The following PTCH1 variants were observed in gnomAD, a reference collection of about 807,000 sequenced individuals.
PTCH1 encodes patched 1.
Under a neutral mutation model 144.6 loss-of-function variants are expected in PTCH1, and 14 were observed. That is an observed-to-expected ratio of 0.10 (90% CI 0.06 to 0.15). The LOEUF is 0.15. Among genes scored for constraint, PTCH1 ranks in the 10% least tolerant of loss-of-function variants. The pLI, the probability that PTCH1 is intolerant of heterozygous loss-of-function variation, is 1.00. For synonymous variants in PTCH1, 833 were observed against 793.6 expected (o/e 1.05, Z -0.83); for missense variants, 1,623 against 1,948.3 (o/e 0.83, Z 3.14).
chr9:95,516,184 G>T (rs1429176844), intron 1 of PTCH1, among the ~76,000 whole-genome samples: 1 of 150,734 alleles, frequency 6.6e-6, no homozygotes, highest in Non-Finnish European at 1.5e-5. Context: ...GCCGGGGCCC[G>T]CCGCGGCCAG....
chr9:95,482,136 G>C lies in PTCH1; in HGVS notation c.652C>G (p.Gln218Glu), dbSNP rs1841591077. The change falls in exon 4 of 24, where the codon CAG (glutamine) becomes GAG (glutamate). Residue 218 changes from glutamine (Q) to glutamate (E), a missense_variant and splice_region_variant. Physicochemically the swap from Gln to Glu is conservative, Grantham distance 29. Coordinates refer to ENST00000331920, the MANE Select transcript of PTCH1 (RefSeq NM_000264.5). ...ELITETGYMDQIIEYLYPCLI... is the reference protein window; with the variant it reads ...ELITETGYMDEIIEYLYPCLI... ...TTGCCAACAAGAAGAAAATATACCT[G>C]ATCCATGTAACCTGTTTCTGTGATA... is the stretch of plus-strand genomic sequence containing the variant. The C allele has an allele frequency of 2.5e-6, 4 of 1,613,898 alleles. No homozygotes were observed. The highest frequency in any genetic ancestry group is 1.3e-5 in the African/African-American group (1 of 74,924).
chr9:95,515,155 G>C lies in PTCH1; in HGVS notation c.3+1314C>G, dbSNP rs532613561. Among the ~76,000 whole-genome samples the C allele has an allele frequency of 1.3e-3, 191 of 152,256 alleles. 5 individuals are homozygous for C. In the South Asian group the frequency reaches 0.037, roughly 30 times the overall value. On this transcript the variant is annotated intron_variant, in intron 1 of 22. Transcript: ENST00000430669. ...ATAAAGCATTGTCTTTCTTTGTGGA[G>C]GCGATTAATTGCATGCTGAACTACT...
chr9:95,483,412 A>T (rs1412334357), intron 3 of PTCH1: 1 of 128,772 alleles, frequency 7.8e-6, no homozygotes, highest in Non-Finnish European at 1.5e-5. Flanking sequence ...AAGGGAAGGA[A>T]AAAAAAAAAA....
At chr9:95,488,023 G>A (rs1842103074) in intron 2 of PTCH1, among the ~76,000 whole-genome samples, 1 of 152,162 alleles carries the variant, frequency 6.6e-6, no homozygotes. Context: ...ACCTGAGAGT[G>A]CAGTGTGCAC....
At chr9:95,502,299 C>T (rs539592290) in intron 2 of PTCH1, among the ~76,000 whole-genome samples, 5 of 152,318 alleles carry the variant, frequency 3.3e-5, no homozygotes, top group South Asian at 4.1e-4. Context: ...CACACCAGTC[C>T]GTGTACCTGC....
chr9:95,482,057 G>C lies in PTCH1; in HGVS notation c.655-17C>G, dbSNP rs1028803378. ...TTCTATTATCTGTCAAAGTTAAAAA[G>C]AAGAGGCCATGCGTTAGGTTAAGGC... is the stretch of plus-strand genomic sequence containing the variant. On this transcript the variant is annotated splice_polypyrimidine_tract_variant and intron_variant, in intron 4 of 23. Coordinates refer to ENST00000331920, the MANE Select transcript of PTCH1 (RefSeq NM_000264.5). 8.1e-6 allele frequency: 13 copies of C among 1,612,294 alleles called. No homozygotes were observed. The Admixed American group carries it at 2.2e-4, about 27-fold the overall frequency.
At chr9:95,480,776 T>C (rs1360190776) in intron 5 of PTCH1, among the ~76,000 whole-genome samples, 188 bp from the exon 6 acceptor site, 1 of 152,164 alleles carries the variant, frequency 6.6e-6, no homozygotes. Context: ...AGGAAAATAA[T>C]TCATGACTGA....
intron 2 of PTCH1, among the ~76,000 whole-genome samples, chr9:95,493,878 C>T (rs547775113): frequency 6.6e-6 from 1 of 152,266 alleles, no homozygotes; most frequent in Admixed American, 6.5e-5. Flanking sequence ...CTCTCCCACC[C>T]ATCTCTTTTA....
Position 95,453,600 on chromosome 9 carries a change from G to A in PTCH1, c.3327C>T (p.Gly1109=), listed in dbSNP as rs779950790. 12 of 1,613,696 alleles carry A rather than the reference G, an allele frequency of 7.4e-6. No individual in the cohort carries two copies. Among genetic ancestry groups the A allele is most frequent in the South Asian group, 3.3e-5 (3 of 91,082 alleles). Residue 1109 remains glycine, a synonymous_variant, in exon 20 of 24, where the codon GGC becomes GGT. Coordinates refer to ENST00000331920, the MANE Select transcript of PTCH1 (RefSeq NM_000264.5). The part of the protein sequence containing the change: ...HVALAFLTAI[G]DKNRRAVLAL... The stretch of plus-strand genomic sequence containing the variant: ...CAAGCACAGCCCTGCGGTTCTTGTC[G>A]CCGATGGCCGTCAGAAAGGCCTGTG...
In PTCH1 at chr9:95,444,006, A is replaced by G. The variant is rs1837671356; in HGVS notation, c.*2387T>C. 2 of 152,660 alleles carry G rather than the reference A, an allele frequency of 1.3e-5. No homozygotes were observed. Among genetic ancestry groups the G allele is most frequent in the African/African-American group, 4.8e-5 (2 of 41,468 alleles). The allele number at this position is 152,660 out of a possible 1,614,324, so 9.5% of individuals were successfully genotyped here. On this transcript the variant is annotated 3_prime_UTR_variant, in exon 24 of 24. Coordinates refer to ENST00000331920, the MANE Select transcript of PTCH1 (RefSeq NM_000264.5). ...AAAACATAGCTGTAATGTTTCCAAT[A>G]GAAATAAAATCCCTGCATTTTTTTT...
intron 2 of PTCH1, among the ~76,000 whole-genome samples, chr9:95,499,881 A>G (rs1343476044): frequency 6.6e-6 from 1 of 151,950 alleles, no homozygotes; most frequent in African/African-American, 2.4e-5. Flanking sequence ...CGGCCACCAA[A>G]GCGCCCCTTT....
Position 95,469,926 on chromosome 9 carries a change from C to T in PTCH1, c.1734G>A (p.Ala578=), listed in dbSNP as rs765440424. Residue 578 remains alanine (A), a synonymous_variant, in exon 13 of 24, where the codon GCG becomes GCA. Transcript: ENST00000331920. ...PALRAFSLQA[A]VVVVFNFAMV... is the part of the protein sequence containing the mutation. ...TGGCAAAATTGAACACCACTACTAC[C>T]GCTGCCTGGGAGCAGAAAAAAAATT... is the stretch of plus-strand genomic sequence containing the variant. The T allele has an allele frequency of 1.2e-5, 19 of 1,613,590 alleles. No individual in the cohort carries two copies. The highest frequency in any genetic ancestry group is 3.3e-5 in the Admixed American group (2 of 60,016).
intron 22 of PTCH1, among the ~76,000 whole-genome samples, chr9:95,448,701 T>G (rs989478796): frequency 5.3e-5 from 8 of 150,586 alleles, no homozygotes; most frequent in African/African-American, 2.0e-4. Flanking sequence ...TTAGAAAATA[T>G]CACTCTCAAA....
intron 1 of PTCH1, among the ~76,000 whole-genome samples, chr9:95,516,237 C>A (rs1844357163): frequency 6.7e-6 from 1 of 148,616 alleles, no homozygotes; most frequent in African/African-American, 2.4e-5. Context: ...GGCGGGGGCC[C>A]GGGCGTGCGA....
At chr9:95,454,874 T>C (rs1838780497) in intron 19 of PTCH1, among the ~76,000 whole-genome samples, 1 of 152,256 alleles carries the variant, frequency 6.6e-6, no homozygotes, top group Admixed American at 6.5e-5. Context: ...TCCTAGAGTT[T>C]AGAGACTGCA....
chr9:95,494,727 C>T (rs1228668687), intron 2 of PTCH1, among the ~76,000 whole-genome samples: 2 of 152,086 alleles, frequency 1.3e-5, no homozygotes, highest in African/African-American at 4.8e-5. Flanking sequence ...ACCAACACAG[C>T]GTGTTTTCAT....
upstream of PTCH1, among the ~76,000 whole-genome samples, chr9:95,511,234 C>G (rs916786560): frequency 6.6e-6 from 1 of 151,564 alleles, no homozygotes; most frequent in Non-Finnish European, 1.5e-5. Flanking sequence ...CCGCCCCCTT[C>G]CTTCCTCCCC....
At chr9:95,478,305 A>G (rs1841249739) in intron 8 of PTCH1, 119 bp from the exon 9 acceptor site, 1 of 1,474,730 alleles carries the variant, frequency 6.8e-7, no homozygotes, top group Non-Finnish European at 9.4e-7. Flanking sequence ...ATTTTTTAAA[A>G]AAGTTCTACG....
In PTCH1 at chr9:95,478,084, T is replaced by C. The variant is rs752530755; in HGVS notation, c.1318A>G (p.Ile440Val). ...ILKSFSDVSV[I>V]RVASGYLLML... ...AGTAAGTAGCCGCTGGCCACGCGGA[T>C]GACACTGACGTCAGAGAAGGATTTC... Residue 440 changes from isoleucine to valine, a missense_variant, in exon 9 of 24, where the codon ATC (isoleucine) becomes GTC (valine). Ile to Val is a conservative substitution (Grantham distance 29, BLOSUM62 3). Transcript: ENST00000331920. 22 of 1,614,078 alleles carry C rather than the reference T, an allele frequency of 1.4e-5. No individual in the cohort carries two copies. The highest frequency in any genetic ancestry group is 1.9e-5 in the Non-Finnish European group (22 of 1,180,044).
Sources: gnomAD v4.1 joint callset for allele counts (sites outside exome capture counted in the v4.1 genomes callset) on GRCh38, gnomAD v4.1.1 for gene constraint, MANE v1.5 for transcripts, NCBI Gene and HGNC (gene_info 2026-07-23, HGNC 2026-07-21) for gene names.